Variants in STAMBP observed in about 807,000 individuals in gnomAD.
STAMBP encodes STAM binding protein, also known as STAM-binding protein.
In STAMBP, 31 loss-of-function variants were observed where a neutral mutation model predicts 50.7. That is an observed-to-expected ratio of 0.61 (90% confidence interval 0.46 to 0.83). The LOEUF is 0.83. Among genes scored for constraint, STAMBP ranks in the 40% least tolerant of loss-of-function variants. The pLI is 0.00. For synonymous variants in STAMBP, 211 were observed against 192.4 expected (o/e 1.10, Z -0.80); for missense variants, 472 against 518.9 (o/e 0.91, Z 0.88).
chr2:73,845,144 C>A (rs1204213128), intron 3 of STAMBP, 23 bp from the exon 4 acceptor site: 1 of 1,608,466 alleles, frequency 6.2e-7, no homozygotes, highest in Non-Finnish European at 8.5e-7. Context: ...TGTTCTAATT[C>A]TATTTTCTGT....
chr2:73,842,604 G>A (rs1028170411), intron 2 of STAMBP, among the ~76,000 whole-genome samples: 1 of 152,156 alleles, frequency 6.6e-6, no homozygotes, highest in African/African-American at 2.4e-5. Flanking sequence ...TTAGAAGTCT[G>A]GTGTTTTTGT....
At chr2:73,851,279 C>T (rs955164435) in intron 7 of STAMBP, among the ~76,000 whole-genome samples, 2 of 152,138 alleles carry the variant, frequency 1.3e-5, no homozygotes, top group Non-Finnish European at 2.9e-5. Context: ...ATTGTGTATC[C>T]CCATCCCACC....
rs3980653 is a variant in STAMBP at position 73,843,420 on chromosome 2, G to GTATATATATA, written c.204-1388_204-1379dup. Among the ~76,000 whole-genome samples the GTATATATATA allele has an allele frequency of 1.3e-3, 149 of 112,352 alleles. 4 individuals carry two copies. Among genetic ancestry groups the GTATATATATA allele is most frequent in the African/African-American group, 4.8e-3 (145 of 30,390 alleles). 73.7% of individuals were successfully genotyped at this position (112,352 alleles called of 152,430 possible). ...TGTTTGTGTATGTATATATATATAT[G>GTATATATATA]TATATATATATATAAATTAAAAAAT... On this transcript the variant is annotated intron_variant, in intron 2 of 9. Coordinates refer to ENST00000394070, the MANE Select transcript of STAMBP (RefSeq NM_213622.4).
At chr2:73,853,849 C>T (rs1023145453) in intron 7 of STAMBP, among the ~76,000 whole-genome samples, 64 of 152,220 alleles carry the variant, frequency 4.2e-4, no homozygotes, top group African/African-American at 1.5e-3. Flanking sequence ...GAAGTCCTCC[C>T]TTCCTTGCTT....
Position 73,841,385 on chromosome 2 carries a change from T to G in STAMBP, c.204-3428T>G, listed in dbSNP as rs1355583899. 2.0e-5 allele frequency among the ~76,000 whole-genome samples: 3 copies of G among 152,168 alleles called. No individual in the cohort carries two copies. In the East Asian group the frequency reaches 5.8e-4, roughly 29 times the overall value. On this transcript the variant is annotated intron_variant, in intron 2 of 9. Transcript: ENST00000394070. The stretch of plus-strand genomic sequence containing the variant: ...TTTTTTGTTTATTAGTTAAAAAAAA[T>G]CATAGAAACCCATAGCAAATATTGA...
intron 2 of STAMBP, among the ~76,000 whole-genome samples, chr2:73,840,313 G>GTTTTTTTTTTTTTTT (rs57827239): frequency 8.6e-6 from 1 of 115,640 alleles, no homozygotes; most frequent in Non-Finnish European, 1.9e-5. Flanking sequence ...TTAGGGGTTT[G>GTTTTTTTTTTTTTTT]TTTTTTTTTT....
intron 2 of STAMBP, among the ~76,000 whole-genome samples, chr2:73,838,158 G>C (rs1409190796): frequency 6.6e-6 from 1 of 152,220 alleles, no homozygotes; most frequent in East Asian, 1.9e-4. Context: ...GTATAGACCT[G>C]AAAGTGGCAA....
Position 73,849,285 on chromosome 2 carries a change from C to T in STAMBP, c.743-78C>T, listed in dbSNP as rs531743286. 67 of 1,607,236 alleles carry T rather than the reference C, an allele frequency of 4.2e-5. No homozygotes were observed. The African/African-American group carries it at 8.3e-4, about 20-fold the overall frequency. On this transcript the variant is annotated intron_variant, in intron 5 of 9. Transcript: ENST00000394070. ...ATCCCAGTGGCTTAATGTTGCTCCT[C>T]CAGGGCTGCTGGCTGTGAGGTCTGC...
chr2:73,834,236 AAT>A (rs148699255), intron 2 of STAMBP, among the ~76,000 whole-genome samples: 39 of 36,408 alleles, frequency 1.1e-3, no homozygotes, highest in African/African-American at 3.8e-3. Flanking sequence ...AAAAAAAAAA[AAT>A]ATATATATAT....
chr2:73,851,108 G>A (rs192765647), intron 7 of STAMBP, among the ~76,000 whole-genome samples: 4 of 152,246 alleles, frequency 2.6e-5, no homozygotes, highest in African/African-American at 9.6e-5. Flanking sequence ...AGCCCAAGCT[G>A]CATTTTATGC....
At chr2:73,849,313 G>A in intron 5 of STAMBP, 50 bp from the exon 6 acceptor site, 3 of 1,611,190 alleles carry the variant, frequency 1.9e-6, no homozygotes, top group Non-Finnish European at 2.5e-6. Context: ...AGGTCTGCTT[G>A]AGGAGGCAGG....
At chr2:73,840,749 A>AT (rs1338846680) in intron 2 of STAMBP, among the ~76,000 whole-genome samples, 10 of 151,178 alleles carry the variant, frequency 6.6e-5, no homozygotes, top group African/African-American at 2.5e-4. Flanking sequence ...GTCTCAAAAA[A>AT]AAAAAAATAA....
chr2:73,846,158 A>G (rs912618203), intron 4 of STAMBP, among the ~76,000 whole-genome samples: 15 of 152,144 alleles, frequency 9.9e-5, no homozygotes, highest in African/African-American at 3.4e-4. Flanking sequence ...TGTAAGCTTT[A>G]AGGAGGAGGT....
chr2:73,856,770 C>T lies in STAMBP; in HGVS notation c.1006-2484C>T, dbSNP rs182094461. 3.9e-5 allele frequency among the ~76,000 whole-genome samples: 6 copies of T among 152,338 alleles called. No individual in the cohort carries two copies. The East Asian group carries it at 1.2e-3, about 29-fold the overall frequency. ...AGGAAATATCAACAAACAACCCCCTCTTCTGTCTCCAACCCTGAGATGCAA... is the reference window on the plus strand; with the variant it reads ...AGGAAATATCAACAAACAACCCCCTTTTCTGTCTCCAACCCTGAGATGCAA... On this transcript the variant is annotated intron_variant, in intron 7 of 9. Coordinates refer to ENST00000394070, the MANE Select transcript of STAMBP (RefSeq NM_213622.4).
intron 7 of STAMBP, among the ~76,000 whole-genome samples, chr2:73,855,235 C>G (rs1677400612): frequency 6.6e-6 from 1 of 152,204 alleles, no homozygotes; most frequent in South Asian, 2.1e-4. Context: ...AAATTTCCCT[C>G]TTAGGTACCC....
chr2:73,841,590 A>G (rs989363692), intron 2 of STAMBP, among the ~76,000 whole-genome samples: 1 of 152,166 alleles, frequency 6.6e-6, no homozygotes, highest in East Asian at 1.9e-4. Flanking sequence ...CACCTTTTTA[A>G]AAGTTCATTA....
rs1450651206 is a variant in STAMBP, at chr2:73,829,530, A to G, written c.-13+20A>G. The G allele has an allele frequency of 6.6e-6, 1 of 152,186 alleles. No homozygotes were observed. The highest frequency in any genetic ancestry group is 2.4e-5 in the African/African-American group (1 of 41,442). 9.4% of individuals were successfully genotyped at this position (152,186 alleles called of 1,614,324 possible). A position where few individuals can be genotyped will look rare whatever the true frequency, so the allele number is the denominator to read the frequency against. ...CAAGAGGTACTGAGATGCAACAAGC[A>G]TCCTCTGTTTCAGTTAACTTTCATG... is the stretch of plus-strand genomic sequence containing the variant. On this transcript the variant is annotated intron_variant, in intron 1 of 9. Transcript: ENST00000394070.
Position 73,866,136 on chromosome 2 carries a change from T to A in STAMBP, c.*3877T>A, listed in dbSNP as rs890717114. The A allele has an allele frequency of 6.6e-6, 1 of 152,248 alleles. No individual in the cohort carries two copies. The highest frequency in any genetic ancestry group is 1.5e-5 in the Non-Finnish European group (1 of 68,058). The allele number at this position is 152,248 out of a possible 1,614,324, so 9.4% of individuals were successfully genotyped here. A position where few individuals can be genotyped will look rare whatever the true frequency, so the allele number is the denominator to read the frequency against. On this transcript the variant is annotated 3_prime_UTR_variant, in exon 10 of 10. Coordinates refer to ENST00000394070, the MANE Select transcript of STAMBP (RefSeq NM_213622.4). ...CACCCCTTAATCCAGGGTTCAATTT[T>A]TAGTTCACCTTAGCCTGTTTGAGAT...
rs1558598872 is a variant in STAMBP, at chr2:73,862,318, T to C, written c.*59T>C. 11 of 1,476,820 alleles carry C rather than the reference T, an allele frequency of 7.4e-6. No homozygotes were observed. Among genetic ancestry groups the C allele is most frequent in the African/African-American group, 1.4e-5 (1 of 69,966 alleles). The allele number at this position is 1,476,820 out of a possible 1,614,324, so 91.5% of individuals were successfully genotyped here. On this transcript the variant is annotated 3_prime_UTR_variant, in exon 10 of 10. Transcript: ENST00000394070. ...AACCATATCAGTGTACTGTAGCCCC[T>C]TAATTTAAGCTTTCTAGAAAGCTTT...
Sources: gnomAD v4.1 joint callset for allele counts (sites outside exome capture counted in the v4.1 genomes callset) on GRCh38, gnomAD v4.1.1 for gene constraint, MANE v1.5 for transcripts, NCBI Gene and HGNC (gene_info 2026-07-23, HGNC 2026-07-21) for gene names.